CEP192: variants seen among roughly 807,000 people sequenced by gnomAD.
CEP192 encodes the protein centrosomal protein 192.
In CEP192, 151 loss-of-function variants were observed where a neutral mutation model predicts 271.8. The ratio of observed to expected loss-of-function variants is 0.56; its 90% confidence interval spans 0.49 to 0.64. CEP192 has a LOEUF of 0.64. Among genes scored for constraint, CEP192 ranks in the 30% least tolerant of loss-of-function variants. CEP192 has a pLI of 0.00. For synonymous variants in CEP192, 995 were observed against 1,076.5 expected (o/e 0.92, Z 1.48); for missense variants, 2,910 against 3,020.5 (o/e 0.96, Z 0.86).
At chr18:13,071,942 A>G (rs989775499) in intron 28 of CEP192, among the ~76,000 whole-genome samples, 1 of 152,194 alleles carries the variant, frequency 6.6e-6, no homozygotes, top group African/African-American at 2.4e-5. Flanking sequence ...GAAAATGATA[A>G]CCACAGTGCT....
intron 6 of CEP192, among the ~76,000 whole-genome samples, 178 bp downstream of exon 6, chr18:13,015,626 A>G (rs77392474): frequency 0.034 from 5,181 of 152,268 alleles, 176 homozygotes; most frequent in East Asian, 0.14. Context: ...ATTTATTTCT[A>G]TATATCTATC....
intron 12 of CEP192, 71 bp downstream of exon 12, chr18:13,037,372 C>A: frequency 1.5e-6 from 1 of 652,220 alleles, no homozygotes; most frequent in South Asian, 1.8e-5. Context: ...GCACAGTGTT[C>A]ATTTCTTTCT....
rs186486890 is a variant in CEP192 at position 13,105,034 on chromosome 18, A to C, written c.7002A>C (p.Arg2334Ser). The change falls in exon 40 of 45, where the codon AGA (arginine) becomes AGC (serine). Residue 2334 changes from arginine to serine, a missense_variant. Physicochemically the swap from Arg to Ser is moderately radical, Grantham distance 110. Coordinates refer to ENST00000506447, the MANE Select transcript of CEP192 (RefSeq NM_032142.4). ...DVFRATYAAF[R>S]CSPISGLLES... ...TTAGAGCTACCTATGCAGCATTCAG[A>C]TGTTCTCCTATTTCTGGTCTGCTGG... The C allele has an allele frequency of 6.2e-7, 1 of 1,614,066 alleles. No homozygotes were observed. The highest frequency in any genetic ancestry group is 1.3e-5 in the African/African-American group (1 of 74,938).
In CEP192 at chr18:13,095,672, C is replaced by A. The variant is rs758881552; in HGVS notation, c.6424C>A (p.Pro2142Thr). 2 of 1,612,536 alleles carry A rather than the reference C, an allele frequency of 1.2e-6. No individual in the cohort carries two copies. Among genetic ancestry groups the A allele is most frequent in the Non-Finnish European group, 1.7e-6 (2 of 1,179,544 alleles). ...VLPEHLILVA[P>T]SPCDMAKTGR... The stretch of plus-strand genomic sequence containing the variant: ...ACCCGAGCACTTGATTCTGGTAGCT[C>A]CTTCTCCTTGTGAGTATGTCAACTG... The change falls in exon 35 of 45, where the codon CCT becomes ACT. Residue 2142 changes from proline to threonine, a missense_variant. Coordinates refer to ENST00000506447, the MANE Select transcript of CEP192 (RefSeq NM_032142.4).
chr18:13,082,731 A>G (rs1481645924), intron 30 of CEP192, among the ~76,000 whole-genome samples: 1 of 151,956 alleles, frequency 6.6e-6, no homozygotes, highest in African/African-American at 2.4e-5. Context: ...GGTCTTTACA[A>G]TTTGGCATGT....
chr18:12,999,739 T>C (rs906609294), intron 2 of CEP192, among the ~76,000 whole-genome samples, 151 bp downstream of exon 2: 1 of 152,096 alleles, frequency 6.6e-6, no homozygotes, highest in African/African-American at 2.4e-5. Flanking sequence ...AAAGACAGAA[T>C]TTACTGTCTT....
rs748501862 is a variant in CEP192, at chr18:13,038,722, A to G, written c.1809+143A>G. 195 of 657,958 alleles carry G rather than the reference A, an allele frequency of 3.0e-4. 1 individual carries two copies. Among genetic ancestry groups the G allele is most frequent in the Non-Finnish European group, 4.8e-4 (179 of 375,884 alleles). 40.8% of individuals were successfully genotyped at this position (657,958 alleles called of 1,614,324 possible). On this transcript the variant is annotated intron_variant, in intron 13 of 44. Transcript: ENST00000506447. ...AAACTTAGGTTTCATCATCAGTCAG[A>G]CCTTTACTGCAGTTCTAGCTCTGTC...
chr18:13,084,648 C>T (rs1319529622), intron 30 of CEP192, among the ~76,000 whole-genome samples: 11 of 152,222 alleles, frequency 7.2e-5, no homozygotes, highest in Admixed American at 7.2e-4. Context: ...CCAACCAGTC[C>T]CAGTGAGATG....
chr18:13,089,316 G>A (rs1050340416), intron 32 of CEP192, 140 bp from the exon 33 acceptor site: 19 of 441,872 alleles, frequency 4.3e-5, no homozygotes, highest in African/African-American at 8.1e-5. Flanking sequence ...TCCAAAACAG[G>A]TTTTTCTTTT....
chr18:13,121,966 C>CT (rs1199260875), intron 44 of CEP192, among the ~76,000 whole-genome samples: 1 of 152,220 alleles, frequency 6.6e-6, no homozygotes, highest in Non-Finnish European at 1.5e-5. Context: ...AGTGTACTGG[C>CT]TTTTTTTCTG....
chr18:13,026,621 G>A (rs1370870003), intron 9 of CEP192, among the ~76,000 whole-genome samples: 1 of 152,006 alleles, frequency 6.6e-6, no homozygotes, highest in Non-Finnish European at 1.5e-5. Flanking sequence ...AAGTCCATTG[G>A]CATATCCTGG....
rs563526377 is a variant in CEP192, at chr18:13,095,650, C to G, written c.6402C>G (p.Pro2134=). Residue 2134 remains proline (P), a synonymous_variant, in exon 35 of 45, where the codon CCC becomes CCG. Transcript: ENST00000506447. ...CCGAAGAGCCGTGGACTGTCCTACC[C>G]GAGCACTTGATTCTGGTAGCTCCTT... ...LASEEPWTVL[P]EHLILVAPSP... is the part of the protein sequence containing the mutation. 6.2e-7 allele frequency: 1 copy of G among 1,613,398 alleles called. No individual in the cohort carries two copies.
chr18:13,054,427 C>G (rs2036972400), intron 18 of CEP192, among the ~76,000 whole-genome samples: 1 of 152,226 alleles, frequency 6.6e-6, no homozygotes, highest in South Asian at 2.1e-4. Context: ...CACCAAGCCA[C>G]TGAAGAGTTA....
At chr18:13,068,062 T>C (rs745680841) in intron 22 of CEP192, 32 bp from the exon 23 acceptor site, 3 of 1,611,850 alleles carry the variant, frequency 1.9e-6, no homozygotes, top group Admixed American at 3.3e-5. Flanking sequence ...CACTGTTGGC[T>C]TTACTGAACT....
chr18:13,019,360 T>G (rs2034852184), intron 9 of CEP192, among the ~76,000 whole-genome samples, 154 bp downstream of exon 9: 1 of 152,228 alleles, frequency 6.6e-6, no homozygotes, highest in African/African-American at 2.4e-5. Context: ...TCGATATGTT[T>G]ATAAGTATCA....
At chr18:13,082,549 C>T (rs2038677089) in intron 30 of CEP192, among the ~76,000 whole-genome samples, 1 of 148,314 alleles carries the variant, frequency 6.7e-6, no homozygotes. Context: ...GAATAGAGCA[C>T]ACTGATGGTT....
chr18:13,124,648 A>C lies in CEP192; in HGVS notation c.7492A>C (p.Asn2498His). The change falls in exon 45 of 45, where the codon AAC (asparagine) becomes CAC (histidine). Residue 2498 changes from asparagine (N) to histidine (H), a missense_variant. By Grantham distance (68) the Asn-to-His change is moderately conservative (BLOSUM62 1). Coordinates refer to ENST00000506447, the MANE Select transcript of CEP192 (RefSeq NM_032142.4). ...KYSLRAQHYINMPVQFKPKSA... is the reference protein window; with the variant it reads ...KYSLRAQHYIHMPVQFKPKSA... ...TCTTTCCAGAGCCCAGCATTACATC[A>C]ACATGCCCGTGCAGTTCAAACCGAA... 3 of 1,613,540 alleles carry C rather than the reference A, an allele frequency of 1.9e-6. No individual in the cohort carries two copies. Among genetic ancestry groups the C allele is most frequent in the Non-Finnish European group, 2.5e-6 (3 of 1,179,614 alleles).
chr18:13,106,576 C>A (rs138965431), intron 40 of CEP192, among the ~76,000 whole-genome samples: 1 of 151,494 alleles, frequency 6.6e-6, no homozygotes, highest in Non-Finnish European at 1.5e-5. Context: ...CAACCACACC[C>A]CACACAGCTA....
At chr18:13,120,407 G>C (rs929590338) in intron 44 of CEP192, among the ~76,000 whole-genome samples, 1 of 152,302 alleles carries the variant, frequency 6.6e-6, no homozygotes, top group African/African-American at 2.4e-5. Flanking sequence ...ACGTTAACTT[G>C]TAGACTTGCC....
Sources: allele counts gnomAD v4.1 joint callset (sites outside exome capture counted in the v4.1 genomes callset), GRCh38; gene constraint gnomAD v4.1.1; transcripts MANE v1.5; gene names NCBI Gene and HGNC (gene_info 2026-07-23, HGNC 2026-07-21).